Variants in PRC1 observed in about 807,000 individuals in gnomAD.
PRC1 encodes the protein anaphase spindle elongation 1 homolog.
PRC1 carries 54 observed loss-of-function variants against 91.2 expected under a neutral mutation model. The observed-to-expected ratio is 0.59, with a 90% confidence interval of 0.48 to 0.74. The LOEUF (loss-of-function observed/expected upper bound fraction) is 0.74. Ranked by LOEUF, PRC1 falls within the 30% of genes least tolerant of loss-of-function variation. The pLI, the probability that PRC1 is intolerant of heterozygous loss-of-function variation, is 0.00. For missense variants in PRC1, 727 were observed against 746.2 expected (o/e 0.97, Z 0.30); for synonymous variants, 275 against 263.6 (o/e 1.04, Z -0.42).
chr15:90,980,318 T>C lies in PRC1; in HGVS notation c.894A>G (p.Arg298=). The change falls in exon 7 of 15, where the codon CGA becomes CGG. Residue 298 remains arginine (R), a synonymous_variant. Transcript: ENST00000394249. The part of the protein sequence containing the change: ...QNMKKVIEAI[R]VELVQYWDQC... ...GGTCCCAGTACTGAACCAGCTCCAC[T>C]CGAATTGCCTCAATCACTTTCTTCA... The C allele has an allele frequency of 6.2e-7, 1 of 1,614,160 alleles. No homozygotes were observed. The highest frequency in any genetic ancestry group is 8.5e-7 in the Non-Finnish European group (1 of 1,180,022).
At chr15:90,967,560 GTACCTTTTCTATGTT>G in intron 14 of PRC1, 1 of 181,084 alleles carries the variant, frequency 5.5e-6, no homozygotes, top group Non-Finnish European at 1.1e-5. Context: ...TATTTTTACT[GTACCTTTTCTATGTT>G]TAGATACACA....
chr15:90,984,281 T>G lies in PRC1; in HGVS notation c.145-141A>C. 1 of 1,158,144 alleles carries G rather than the reference T, an allele frequency of 8.6e-7. No homozygotes were observed. Among genetic ancestry groups the G allele is most frequent in the East Asian group, 2.5e-5 (1 of 40,794 alleles). The allele number at this position is 1,158,144 out of a possible 1,614,324, so 71.7% of individuals were successfully genotyped here. On this transcript the variant is annotated intron_variant, in intron 2 of 14. Transcript: ENST00000394249. This position sits in a 1 kb window ranked among gnomAD's most constrained non-coding sequence, Gnocchi z 5.1. Reference sequence around the variant, plus strand: ...TCTCGCTCTGTTGCCCAGGCTGGAGTGCAATGGCGTGCTTTCGGCTCACTG... The same window carrying G: ...TCTCGCTCTGTTGCCCAGGCTGGAGGGCAATGGCGTGCTTTCGGCTCACTG...
intron 1 of PRC1, among the ~76,000 whole-genome samples, chr15:90,993,851 G>A (rs767264727): frequency 6.6e-6 from 1 of 152,168 alleles, no homozygotes; most frequent in Admixed American, 6.5e-5. Flanking sequence ...GGGAGGCCGA[G>A]GTGGCAGGAT....
chr15:90,994,266 G>T, intron 1 of PRC1, 141 bp downstream of exon 1: 2 of 1,329,994 alleles, frequency 1.5e-6, no homozygotes, highest in Non-Finnish European at 2.0e-6. Context: ...GCCCCTCAGC[G>T]CCCCCGGCCT....
chr15:90,976,811 C>T (rs755686809), intron 8 of PRC1, 40 bp from the exon 9 acceptor site: 4 of 1,489,942 alleles, frequency 2.7e-6, no homozygotes, highest in Non-Finnish European at 3.7e-6. Flanking sequence ...AAACCTGGCA[C>T]CATGAGACCA....
At chr15:90,973,599 AAAACCCG>A (rs993142772) in intron 11 of PRC1, among the ~76,000 whole-genome samples, 4 of 152,096 alleles carry the variant, frequency 2.6e-5, no homozygotes, top group African/African-American at 9.7e-5. Context: ...ATCTCGGTGT[AAAACCCG>A]ATCGTACGTA....
chr15:90,971,382 C>T (rs372596068), intron 11 of PRC1, among the ~76,000 whole-genome samples: 48 of 152,226 alleles, frequency 3.2e-4, no homozygotes, highest in Middle Eastern at 6.8e-3. Flanking sequence ...ACCTCCTGGG[C>T]TCAAGCAATC....
chr15:90,994,375 C>T, intron 1 of PRC1, 32 bp downstream of exon 1: 2 of 1,612,318 alleles, frequency 1.2e-6, no homozygotes, highest in South Asian at 2.2e-5. Context: ...TCGCTCCCTC[C>T]CGCGTCCCCT....
intron 3 of PRC1, chr15:90,982,549 C>T (rs2039281817): frequency 6.5e-6 from 1 of 153,064 alleles, no homozygotes; most frequent in Admixed American, 6.5e-5. Flanking sequence ...CAGTTTGAGA[C>T]CAACCTGGCC....
intron 1 of PRC1, among the ~76,000 whole-genome samples, chr15:90,992,645 G>A (rs1268587258): frequency 6.6e-6 from 1 of 151,928 alleles, no homozygotes; most frequent in East Asian, 1.9e-4. Context: ...CAATTATCAT[G>A]ATACACTTAA....
intron 9 of PRC1, among the ~76,000 whole-genome samples, chr15:90,976,395 G>T (rs967292915): frequency 1.3e-5 from 2 of 151,258 alleles, no homozygotes; most frequent in South Asian, 2.1e-4. Flanking sequence ...AGACCAGGCT[G>T]GTCTTGAACT....
intron 11 of PRC1, among the ~76,000 whole-genome samples, chr15:90,971,933 C>T (rs1202193271): frequency 6.6e-6 from 1 of 152,030 alleles, no homozygotes; most frequent in African/African-American, 2.4e-5. Flanking sequence ...GAGGCTGAGG[C>T]ACGAGAATCA....
intron 11 of PRC1, among the ~76,000 whole-genome samples, chr15:90,970,769 A>G (rs893149818): frequency 2.6e-5 from 4 of 152,250 alleles, no homozygotes; most frequent in African/African-American, 9.6e-5. Flanking sequence ...CTAGCATATG[A>G]CCCAGCCATT....
Position 90,974,789 on chromosome 15 carries a change from T to A in PRC1, c.1204-58A>T. The A allele has an allele frequency of 6.3e-7, 1 of 1,591,356 alleles. No individual in the cohort carries two copies. The highest frequency in any genetic ancestry group is 8.6e-7 in the Non-Finnish European group (1 of 1,161,450). On this transcript the variant is annotated intron_variant, in intron 9 of 14. Coordinates refer to ENST00000394249, the MANE Select transcript of PRC1 (RefSeq NM_003981.4). The surrounding 1 kb of genome is among the most constrained non-coding windows in gnomAD (Gnocchi z 4.6). ...TCAACTCTTTAGTGCAAAGCCCAAA[T>A]GAAATGATTTCCCTAGAGAGTGACT...
At chr15:90,980,197 C>A in intron 7 of PRC1, 45 bp downstream of exon 7, 3 of 1,544,270 alleles carry the variant, frequency 1.9e-6, no homozygotes, top group Non-Finnish European at 2.6e-6. Context: ...CAGAGTAAGA[C>A]CTGTCTCCAA....
At chr15:90,972,608 A>G (rs897172979) in intron 11 of PRC1, among the ~76,000 whole-genome samples, 1 of 151,364 alleles carries the variant, frequency 6.6e-6, no homozygotes, top group Non-Finnish European at 1.5e-5. Context: ...GTGTGGTGGC[A>G]CATGCCTGTA....
At position 90,966,940 on chromosome 15, in the gene PRC1, C is replaced by T; in HGVS notation, c.*191G>A. The T allele has an allele frequency of 3.3e-6, 2 of 608,998 alleles. No individual in the cohort carries two copies. The highest frequency in any genetic ancestry group is 5.8e-6 in the Non-Finnish European group (2 of 343,302). 37.7% of individuals were successfully genotyped at this position (608,998 alleles called of 1,614,324 possible). On this transcript the variant is annotated 3_prime_UTR_variant, in exon 15 of 15. Transcript: ENST00000394249. ...ATGTATATAAGTCAAAACCAAGTCT[C>T]CTAGGACCACTAAACCTATGATGGG...
At position 90,972,352 on chromosome 15, in the gene PRC1, C is replaced by T. The variant is rs565767700; in HGVS notation, c.1461+1784G>A. Among the ~76,000 whole-genome samples the T allele has an allele frequency of 3.3e-5, 5 of 151,916 alleles. No homozygotes were observed. In the South Asian group the frequency reaches 6.3e-4, roughly 19 times the overall value. ...GAGCCATGATGGCGCCACTGCACTC[C>T]GGTGTGGGTGATAGAGCAAGACACT... On this transcript the variant is annotated intron_variant, in intron 11 of 14. Transcript: ENST00000394249.
chr15:90,989,599 C>T (rs1221575004), intron 1 of PRC1, among the ~76,000 whole-genome samples: 4 of 150,606 alleles, frequency 2.7e-5, no homozygotes. Flanking sequence ...GGGTATTTGC[C>T]CAAAAGAAAT....
Sources: gnomAD v4.1 joint callset for allele counts (sites outside exome capture counted in the v4.1 genomes callset) on GRCh38, gnomAD v4.1.1 for gene constraint, Gnocchi (gnomAD v3.1) non-coding constraint, MANE v1.5 for transcripts, NCBI Gene and HGNC (gene_info 2026-07-23, HGNC 2026-07-21) for gene names.